Variants in SNX19 observed in about 807,000 individuals in gnomAD.
SNX19 encodes the protein sorting nexin-19.
In SNX19, 60 loss-of-function variants were observed where a neutral mutation model predicts 85.2. The ratio of observed to expected loss-of-function variants is 0.70; its 90% CI spans 0.57 to 0.87. The LOEUF is 0.87. Ranked by LOEUF, SNX19 falls within the 40% of genes least tolerant of loss-of-function variation. The pLI is 0.00. For missense variants in SNX19, 1,201 were observed against 1,217.8 expected, an observed-to-expected ratio of 0.99 and a Z score of 0.21; for synonymous variants, 520 against 470.0, an observed-to-expected ratio of 1.11 and a Z score of -1.38.
chr11:130,915,212 G>A lies in SNX19; in HGVS notation c.728C>T (p.Thr243Ile). The change falls in exon 1 of 11, where the codon ACA becomes ATA. Residue 243 changes from threonine (T) to isoleucine (I), a missense_variant. By Grantham distance (89) the Thr-to-Ile change is moderately conservative. Around this residue, in one of 3 missense-constraint regions of SNX19, gnomAD observed 791 missense variants for 750.9 expected, o/e 1.05. Coordinates refer to ENST00000265909, the MANE Select transcript of SNX19 (RefSeq NM_014758.3). ...GATCAGTGGTAAGATTACATTGCATGTGATGAGTTCGACCACTACATGGCG... is the reference window on the plus strand; with the variant it reads ...GATCAGTGGTAAGATTACATTGCATATGATGAGTTCGACCACTACATGGCG... ...TGRHVVVELITCNVILPLISR... is the reference protein window; with the variant it reads ...TGRHVVVELIICNVILPLISR... 2 of 1,614,256 alleles carry A rather than the reference G, an allele frequency of 1.2e-6. No homozygotes were observed. The highest frequency in any genetic ancestry group is 1.7e-6 in the Non-Finnish European group (2 of 1,180,050).
chr11:130,869,038 A>G lies in SNX19; in HGVS notation c.*9384T>C, dbSNP rs1466491796. On this transcript the variant is annotated 3_prime_UTR_variant, in exon 11 of 11. Coordinates refer to ENST00000265909, the MANE Select transcript of SNX19 (RefSeq NM_014758.3). ...AGGCACTAGCTGAGGCTTACGAGTT[A>G]GAATAGATAAGGTGAAAATTGTCTG... 2 of 152,256 alleles carry G rather than the reference A, an allele frequency of 1.3e-5. No individual in the cohort carries two copies. Among genetic ancestry groups the G allele is most frequent in the African/African-American group, 4.8e-5 (2 of 41,468 alleles). 9.4% of individuals were successfully genotyped at this position (152,256 alleles called of 1,614,324 possible). A position where few individuals can be genotyped will look rare whatever the true frequency, so the allele number is the denominator to read the frequency against.
At position 130,916,105 on chromosome 11, in the gene SNX19, G is replaced by A. The variant is rs1370757107; in HGVS notation, c.-166C>T. The A allele has an allele frequency of 3.2e-6, 2 of 622,736 alleles. No individual in the cohort carries two copies. Among genetic ancestry groups the A allele is most frequent in the Admixed American group, 5.9e-5 (2 of 33,974 alleles). 38.6% of individuals were successfully genotyped at this position (622,736 alleles called of 1,614,324 possible). A position where few individuals can be genotyped will look rare whatever the true frequency, so the allele number is the denominator to read the frequency against. ...GTCCTACAGGCACTGCAAAGCGACA[G>A]CTGCAGCTCCGCGTCTCCCCATGGC... On this transcript the variant is annotated 5_prime_UTR_variant, in exon 1 of 11. Transcript: ENST00000265909.
intron 5 of SNX19, 83 bp downstream of exon 5, chr11:130,907,870 G>A (rs1259510706): frequency 1.9e-6 from 3 of 1,572,834 alleles, no homozygotes; most frequent in Middle Eastern, 2.4e-4. Context: ...TCTAGGGCTT[G>A]AGAATAGGGT....
At chr11:130,905,606 A>T in intron 7 of SNX19, 22 of 1,376,920 alleles carry the variant, frequency 1.6e-5, no homozygotes, top group Non-Finnish European at 2.0e-5. Flanking sequence ...GGAAACCAGG[A>T]AACTGAGACA....
rs574282431 is a variant in SNX19, at chr11:130,873,239, T to C, written c.*5183A>G. ...GCCTATTTTTGTAAATCAAGTTTTA[T>C]TGGAACACAGCCACACTTGTTTATG... On this transcript the variant is annotated 3_prime_UTR_variant, in exon 11 of 11. Coordinates refer to ENST00000265909, the MANE Select transcript of SNX19 (RefSeq NM_014758.3). Among the ~76,000 whole-genome samples the C allele has an allele frequency of 6.6e-5, 10 of 152,160 alleles. No homozygotes were observed. Among genetic ancestry groups the C allele is most frequent in the Non-Finnish European group, 1.0e-4 (7 of 68,030 alleles).
intron 1 of SNX19, among the ~76,000 whole-genome samples, chr11:130,912,293 T>TA (rs1186371470): frequency 1.3e-5 from 2 of 152,256 alleles, no homozygotes; most frequent in African/African-American, 4.8e-5. Context: ...TTGTTATTCT[T>TA]AGAGCTAAAC....
At position 130,875,055 on chromosome 11, in the gene SNX19, T is replaced by G. The variant is rs917859913; in HGVS notation, c.*3367A>C. On this transcript the variant is annotated 3_prime_UTR_variant, in exon 11 of 11. Transcript: ENST00000265909. ...TAAAAGCAGGGCCTCGAAGAAACAG[T>G]CACACTCCCATGTTCACTGCAGCAT... Among the ~76,000 whole-genome samples the G allele has an allele frequency of 1.3e-5, 2 of 152,216 alleles. No homozygotes were observed.
intron 8 of SNX19, among the ~76,000 whole-genome samples, chr11:130,887,657 T>C (rs1017674398): frequency 2.6e-5 from 4 of 152,344 alleles, no homozygotes; most frequent in African/African-American, 7.2e-5. Flanking sequence ...ATTCTAGTCA[T>C]TGGTCCTAGT....
chr11:130,910,557 G>C (rs1946027642), intron 2 of SNX19, among the ~76,000 whole-genome samples, 187 bp from the exon 3 acceptor site: 1 of 152,066 alleles, frequency 6.6e-6, no homozygotes, highest in Non-Finnish European at 1.5e-5. Flanking sequence ...TTACAAGAGA[G>C]GGCTCTGAAG....
In SNX19 at chr11:130,915,112, G is replaced by A; in HGVS notation, c.828C>T (p.Pro276=). Residue 276 remains proline, a synonymous_variant, in exon 1 of 11, where the codon CCC becomes CCT. Coordinates refer to ENST00000265909, the MANE Select transcript of SNX19 (RefSeq NM_014758.3). The stretch of plus-strand genomic sequence containing the variant: ...GCTGTTCGGGGGCACTGGCTGGGCA[G>A]GGTGCTGGATCTCTGGCCTTGGAAA... The part of the protein sequence containing the change: ...GIFSKARDPA[P]CPASAPEQPS... The A allele has an allele frequency of 1.2e-6, 2 of 1,613,848 alleles. No homozygotes were observed. Among genetic ancestry groups the A allele is most frequent in the Non-Finnish European group, 1.7e-6 (2 of 1,179,844 alleles).
chr11:130,890,285 C>T (rs192936463), intron 8 of SNX19, among the ~76,000 whole-genome samples: 46 of 152,142 alleles, frequency 3.0e-4, no homozygotes, highest in Middle Eastern at 3.4e-3. Context: ...ACCCCTTTAC[C>T]ATCTCTATAG....
intron 8 of SNX19, among the ~76,000 whole-genome samples, chr11:130,882,630 T>C (rs900227229): frequency 2.6e-5 from 4 of 152,226 alleles, no homozygotes; most frequent in East Asian, 1.9e-4. Context: ...CTCCTTTTTA[T>C]AGGGCTTTTC....
chr11:130,907,314 A>T (rs1945743102), intron 5 of SNX19, among the ~76,000 whole-genome samples: 1 of 151,228 alleles, frequency 6.6e-6, no homozygotes, highest in African/African-American at 2.4e-5. Context: ...CATGAAACAT[A>T]AGCACAGAGA....
chr11:130,904,950 C>T (rs2135387129), intron 7 of SNX19, among the ~76,000 whole-genome samples: 1 of 152,222 alleles, frequency 6.6e-6, no homozygotes, highest in South Asian at 2.1e-4. Context: ...GGCTGTCAAC[C>T]CCATTTTTCA....
chr11:130,883,080 T>C (rs1307717283), intron 8 of SNX19, among the ~76,000 whole-genome samples: 2 of 152,206 alleles, frequency 1.3e-5, no homozygotes, highest in African/African-American at 4.8e-5. Flanking sequence ...CCTTGTTCTC[T>C]TGCATGGTGA....
At position 130,878,381 on chromosome 11, in the gene SNX19, ACT is replaced by A. The variant is rs1247756855; in HGVS notation, c.*39_*40del. 3.8e-6 allele frequency: 6 copies of A among 1,595,476 alleles called. 1 individual carries two copies. In the South Asian group the frequency reaches 4.5e-5, roughly 12 times the overall value. ...CTGACTGGTCTCTGGTGGCCGAGTA[ACT>A]CTACTTCCCTGACCTGGGAAGAAGG... On this transcript the variant is annotated 3_prime_UTR_variant, in exon 11 of 11. Coordinates refer to ENST00000265909, the MANE Select transcript of SNX19 (RefSeq NM_014758.3).
chr11:130,898,611 G>A (rs1444536576), intron 8 of SNX19, among the ~76,000 whole-genome samples: 3 of 152,174 alleles, frequency 2.0e-5, no homozygotes, highest in Non-Finnish European at 4.4e-5. Context: ...TGCCTCTTGT[G>A]GGAGATGCAG....
In SNX19 at chr11:130,877,534, A is replaced by C. The variant is rs1022518642; in HGVS notation, c.*888T>G. On this transcript the variant is annotated 3_prime_UTR_variant, in exon 11 of 11. Transcript: ENST00000265909. ...TTGTGCATTCTTAAGACAGGAGGCA[A>C]GTGCTTTCCATTCTCCTTGGAAAAA... 1.3e-5 allele frequency: 2 copies of C among 152,390 alleles called. No homozygotes were observed. The highest frequency in any genetic ancestry group is 2.9e-5 in the Non-Finnish European group (2 of 68,048). 9.4% of individuals were successfully genotyped at this position (152,390 alleles called of 1,614,324 possible).
At chr11:130,910,973 T>C (rs1054639263) in intron 2 of SNX19, among the ~76,000 whole-genome samples, 9 of 152,236 alleles carry the variant, frequency 5.9e-5, no homozygotes, top group African/African-American at 9.6e-5. Context: ...GGTGGGTAGA[T>C]TGCTTGAGGT....
Sources: allele counts gnomAD v4.1 joint callset (sites outside exome capture counted in the v4.1 genomes callset), GRCh38; gene constraint gnomAD v4.1.1; regional missense constraint gnomAD v4.1.1; transcripts MANE v1.5; gene names NCBI Gene and HGNC (gene_info 2026-07-23, HGNC 2026-07-21).